Variants in CCDC66 observed in about 807,000 individuals in gnomAD.
CCDC66 encodes coiled-coil domain-containing protein 66.
In CCDC66, 133 loss-of-function variants were observed where a neutral mutation model predicts 128.3. The observed-to-expected ratio is 1.04, with a 90% CI of 0.90 to 1.20. The LOEUF (loss-of-function observed/expected upper bound fraction) is 1.20. CCDC66 is among the 50% of genes most tolerant of loss of function. The pLI, the probability that CCDC66 is intolerant of heterozygous loss-of-function variation, is 0.00. For missense variants in CCDC66, 1,126 were observed against 1,075.5 expected (o/e 1.05, Z -0.66); for synonymous variants, 387 against 357.0 (o/e 1.08, Z -0.95).
At position 56,619,451 on chromosome 3, in the gene CCDC66, T is replaced by G; in HGVS notation, c.2559T>G (p.Asn853Lys). ...SSHFIPYVRT[N>K]EIYYLDPDAP... is the part of the protein sequence containing the mutation. ...ATTTTATTCCGTATGTTCGAACAAA[T>G]GAGATCTATTACCTTGATCCCGATG... Residue 853 changes from asparagine to lysine, a missense_variant, in exon 16 of 18, where the codon AAT becomes AAG. Transcript: ENST00000394672. 6.2e-7 allele frequency: 1 copy of G among 1,614,020 alleles called. No homozygotes were observed. The highest frequency in any genetic ancestry group is 8.5e-7 in the Non-Finnish European group (1 of 1,179,928).
intron 7 of CCDC66, among the ~76,000 whole-genome samples, chr3:56,587,552 A>G: frequency 6.7e-6 from 1 of 149,520 alleles, no homozygotes; most frequent in African/African-American, 2.4e-5. Flanking sequence ...CTTACCATGA[A>G]AAACAATGTG....
chr3:56,608,042 T>C (rs963622340), intron 10 of CCDC66, among the ~76,000 whole-genome samples: 1 of 152,214 alleles, frequency 6.6e-6, no homozygotes, highest in Non-Finnish European at 1.5e-5. Flanking sequence ...AGCTAGTATT[T>C]TGTTAAGGAT....
intron 10 of CCDC66, among the ~76,000 whole-genome samples, chr3:56,606,325 G>GA (rs1219100387): frequency 3.3e-5 from 5 of 151,860 alleles, no homozygotes; most frequent in East Asian, 1.9e-4. Flanking sequence ...CTGGGGTATG[G>GA]AAAAAAAACT....
chr3:56,597,276 A>G (rs558239658), intron 10 of CCDC66, among the ~76,000 whole-genome samples: 4 of 151,992 alleles, frequency 2.6e-5, no homozygotes, highest in Non-Finnish European at 4.4e-5. Flanking sequence ...TTTTATACCA[A>G]TACCATGCTG....
chr3:56,603,853 G>A (rs1353678315), intron 10 of CCDC66, among the ~76,000 whole-genome samples: 1 of 151,986 alleles, frequency 6.6e-6, no homozygotes, highest in African/African-American at 2.4e-5. Flanking sequence ...TTAATTTTCT[G>A]TCTCATTGAT....
At chr3:56,581,049 G>A (rs2068275031) in intron 7 of CCDC66, among the ~76,000 whole-genome samples, 1 of 151,362 alleles carries the variant, frequency 6.6e-6, no homozygotes, top group Non-Finnish European at 1.5e-5. Context: ...AGGTACACGA[G>A]ATGTAGATTT....
intron 10 of CCDC66, among the ~76,000 whole-genome samples, chr3:56,612,177 A>G (rs1230070297): frequency 6.6e-6 from 1 of 151,978 alleles, no homozygotes; most frequent in African/African-American, 2.4e-5. Context: ...ACTTCTTCCG[A>G]TTTTTTGAAT....
At chr3:56,604,485 C>A (rs2073758169) in intron 10 of CCDC66, among the ~76,000 whole-genome samples, 1 of 151,984 alleles carries the variant, frequency 6.6e-6, no homozygotes, top group Non-Finnish European at 1.5e-5. Flanking sequence ...GTGACAAAAT[C>A]TCTCAGAATT....
intron 7 of CCDC66, chr3:56,572,391 T>TG (rs796096677): frequency 1.6e-6 from 2 of 1,289,470 alleles, no homozygotes; most frequent in South Asian, 2.5e-5. Context: ...TCCAAGCTGA[T>TG]GGGGCATTCA....
chr3:56,597,973 G>A lies in CCDC66; in HGVS notation c.1404+3945G>A, dbSNP rs558425203. On this transcript the variant is annotated intron_variant, in intron 10 of 17. Coordinates refer to ENST00000394672, the MANE Select transcript of CCDC66 (RefSeq NM_001141947.3). The stretch of plus-strand genomic sequence containing the variant: ...ATTTTTTTAGTAGAGATGGGGTTTC[G>A]CAGTGTTGGCCAGGCTGGTCTCGAA... 2.0e-3 allele frequency among the ~76,000 whole-genome samples: 301 copies of A among 151,008 alleles called. 12 individuals are homozygous for A. In the South Asian group the frequency reaches 0.057, roughly 29 times the overall value.
chr3:56,576,976 G>A (rs1344846786), intron 7 of CCDC66, among the ~76,000 whole-genome samples: 1 of 151,918 alleles, frequency 6.6e-6, no homozygotes, highest in Middle Eastern at 3.4e-3. Flanking sequence ...TCTAGTTCTA[G>A]ATCCTTGAGG....
intron 12 of CCDC66, 43 bp from the exon 13 acceptor site, chr3:56,615,879 T>C: frequency 1.3e-6 from 2 of 1,513,020 alleles, no homozygotes; most frequent in Non-Finnish European, 1.8e-6. Flanking sequence ...TTTTTATTAA[T>C]ATTCCTTAAG....
intron 10 of CCDC66, among the ~76,000 whole-genome samples, chr3:56,610,959 C>CTGGTGGAGG (rs1480840436): frequency 6.6e-6 from 1 of 152,144 alleles, no homozygotes; most frequent in African/African-American, 2.4e-5. Context: ...AGTGCCTGTT[C>CTGGTGGAGG]TGGTGGAGGT....
chr3:56,580,135 G>C (rs2068078768), intron 7 of CCDC66, among the ~76,000 whole-genome samples: 1 of 151,848 alleles, frequency 6.6e-6, no homozygotes, highest in Non-Finnish European at 1.5e-5. Context: ...AGCTCTTCTT[G>C]TTGAATTGAT....
intron 14 of CCDC66, 62 bp from the exon 15 acceptor site, chr3:56,618,110 A>G: frequency 7.8e-7 from 1 of 1,286,036 alleles, no homozygotes; most frequent in South Asian, 1.2e-5. Flanking sequence ...CCCTAAAAAT[A>G]TTTGTGGGGA....
intron 7 of CCDC66, among the ~76,000 whole-genome samples, chr3:56,589,056 ATTGT>A (rs913031533): frequency 6.6e-6 from 1 of 152,216 alleles, no homozygotes; most frequent in Non-Finnish European, 1.5e-5. Context: ...CCAAAAGTTA[ATTGT>A]TTGAAAAGTT....
At chr3:56,576,913 T>TA (rs1483338101) in intron 7 of CCDC66, among the ~76,000 whole-genome samples, 1 of 151,866 alleles carries the variant, frequency 6.6e-6, no homozygotes, top group Non-Finnish European at 1.5e-5. Flanking sequence ...CAGCATGATT[T>TA]ATAATCCTTT....
At chr3:56,570,392 G>A (rs1438043185) in intron 6 of CCDC66, 1 of 152,268 alleles carries the variant, frequency 6.6e-6, no homozygotes, top group East Asian at 1.9e-4. Flanking sequence ...TTTGTGCCAA[G>A]CCCTATATTG....
chr3:56,595,169 T>C (rs2071652206), intron 10 of CCDC66, among the ~76,000 whole-genome samples: 1 of 152,252 alleles, frequency 6.6e-6, no homozygotes, highest in African/African-American at 2.4e-5. Context: ...TATTTTGTTA[T>C]ATATGTAGAA....
Sources: gnomAD v4.1 joint callset for allele counts (sites outside exome capture counted in the v4.1 genomes callset) on GRCh38, gnomAD v4.1.1 for gene constraint, MANE v1.5 for transcripts, NCBI Gene and HGNC (gene_info 2026-07-23, HGNC 2026-07-21) for gene names.